Variants in GRM1 observed in about 807,000 individuals in gnomAD.
The protein encoded by GRM1 is glutamate metabotropic receptor 1, also known as metabotropic glutamate receptor 1.
Under a neutral mutation model 90.9 loss-of-function variants are expected in GRM1, and 33 were observed. The observed-to-expected ratio is 0.36, with a 90% confidence interval of 0.28 to 0.49. The LOEUF is 0.49. Ranked by LOEUF, GRM1 falls within the 20% of genes least tolerant of loss-of-function variation. The pLI is 0.99. For synonymous variants in GRM1, 700 were observed against 613.2 expected, an observed-to-expected ratio of 1.14 and a Z score of -2.09; for missense variants, 1,190 against 1,534.3, an observed-to-expected ratio of 0.78 and a Z score of 3.75.
chr6:146,131,611 A>T (rs940449362), intron 1 of GRM1, among the ~76,000 whole-genome samples: 2 of 152,188 alleles, frequency 1.3e-5, no homozygotes, highest in African/African-American at 4.8e-5. Context: ...GAGTTTGTCC[A>T]GCAGACTAAT....
chr6:146,270,909 C>CTTTCTT (rs2114823422), intron 2 of GRM1, among the ~76,000 whole-genome samples: 1 of 102,992 alleles, frequency 9.7e-6, no homozygotes, highest in South Asian at 3.1e-4. Context: ...TTCTTTCTTT[C>CTTTCTT]TTTCTTCCTT....
chr6:146,278,394 T>C (rs1782448214), intron 2 of GRM1, among the ~76,000 whole-genome samples: 2 of 152,190 alleles, frequency 1.3e-5, no homozygotes, highest in African/African-American at 4.8e-5. Flanking sequence ...ATGCTTGTTC[T>C]ATTGTGTTAC....
chr6:146,275,690 A>G (rs568215306), intron 2 of GRM1, among the ~76,000 whole-genome samples: 126 of 152,332 alleles, frequency 8.3e-4, no homozygotes, highest in Non-Finnish European at 1.4e-3. Flanking sequence ...TTTCATAAAC[A>G]AAATTCATTT....
rs563181699 is a variant in GRM1, at chr6:146,199,725, G to C, written c.950+40128G>C. The stretch of plus-strand genomic sequence containing the variant: ...TGCTGCAATTTTAAGCATAAGAGAA[G>C]TGCTAACTCTCACCGGGTATGGTGG... On this transcript the variant is annotated intron_variant, in intron 2 of 7. Coordinates refer to ENST00000282753, the MANE Select transcript of GRM1 (RefSeq NM_001278064.2). Among the ~76,000 whole-genome samples, 3 of 150,484 alleles carry C rather than the reference G, an allele frequency of 2.0e-5. No homozygotes were observed. The East Asian group carries it at 5.8e-4, about 29-fold the overall frequency.
intron 1 of GRM1, among the ~76,000 whole-genome samples, chr6:146,077,371 GTT>G (rs963163470): frequency 3.9e-5 from 6 of 152,202 alleles, no homozygotes; most frequent in African/African-American, 1.2e-4. Flanking sequence ...CACCTTGGTG[GTT>G]TCAGTCAGTG....
At chr6:146,400,508 C>T (rs906248536) in intron 7 of GRM1, among the ~76,000 whole-genome samples, 3 of 152,070 alleles carry the variant, frequency 2.0e-5, no homozygotes, top group Non-Finnish European at 4.4e-5. Flanking sequence ...ATTCAAAGTC[C>T]AGATGAATTA....
intron 3 of GRM1, among the ~76,000 whole-genome samples, chr6:146,339,716 C>T (rs151219910): frequency 5.3e-5 from 8 of 152,326 alleles, no homozygotes; most frequent in African/African-American, 1.7e-4. Flanking sequence ...GCGCTGATAT[C>T]ACAGAGTCTA....
intron 1 of GRM1, among the ~76,000 whole-genome samples, chr6:146,125,778 A>G (rs865976654): frequency 1.3e-5 from 2 of 152,066 alleles, no homozygotes; most frequent in Middle Eastern, 6.8e-3. Context: ...CTTACTCAGA[A>G]TTCTTAGTAG....
At chr6:146,432,358 T>C (rs1028986719) in intron 7 of GRM1, among the ~76,000 whole-genome samples, 1 of 152,224 alleles carries the variant, frequency 6.6e-6, no homozygotes, top group Non-Finnish European at 1.5e-5. Context: ...TCTGTACTTA[T>C]CTGGCTCACT....
intron 2 of GRM1, among the ~76,000 whole-genome samples, chr6:146,292,286 G>T (rs958203523): frequency 6.6e-6 from 1 of 151,898 alleles, no homozygotes; most frequent in Non-Finnish European, 1.5e-5. Context: ...AGAAAAAATA[G>T]ATTAATTGGA....
intron 1 of GRM1, among the ~76,000 whole-genome samples, chr6:146,149,157 A>G (rs763564408): frequency 1.3e-5 from 2 of 152,202 alleles, no homozygotes; most frequent in African/African-American, 2.4e-5. Flanking sequence ...GAGTGTTTGT[A>G]ACTTAAAGAA....
chr6:146,076,015 C>G (rs2128860854), intron 1 of GRM1, among the ~76,000 whole-genome samples: 1 of 152,296 alleles, frequency 6.6e-6, no homozygotes, highest in South Asian at 2.1e-4. Context: ...TGTTGAAGAT[C>G]AAACAATTGT....
chr6:146,402,239 C>T (rs1337231808), intron 7 of GRM1, among the ~76,000 whole-genome samples: 1 of 152,128 alleles, frequency 6.6e-6, no homozygotes, highest in Non-Finnish European at 1.5e-5. Flanking sequence ...CTTATACCTA[C>T]TCCAATATGC....
chr6:146,027,984 T>G (rs1790552407), upstream of GRM1, among the ~76,000 whole-genome samples: 1 of 152,158 alleles, frequency 6.6e-6, no homozygotes, highest in Non-Finnish European at 1.5e-5. Flanking sequence ...TGCCTGGGTT[T>G]TCTTTCTCCT....
chr6:146,047,935 C>T (rs914316852), intron 1 of GRM1, among the ~76,000 whole-genome samples: 1 of 151,962 alleles, frequency 6.6e-6, no homozygotes, highest in Non-Finnish European at 1.5e-5. Flanking sequence ...GCTATGATGC[C>T]ACCCTTGGTG....
intron 2 of GRM1, among the ~76,000 whole-genome samples, chr6:146,277,418 G>C (rs1782414795): frequency 6.6e-6 from 1 of 151,880 alleles, no homozygotes; most frequent in South Asian, 2.1e-4. Context: ...AATAGTTTAG[G>C]CTAACAGTAT....
chr6:146,193,636 G>A (rs1485166813), intron 2 of GRM1, among the ~76,000 whole-genome samples: 1 of 152,136 alleles, frequency 6.6e-6, no homozygotes, highest in Non-Finnish European at 1.5e-5. Flanking sequence ...TATTTTGTGT[G>A]TCTCAGGTTT....
chr6:146,307,845 G>C (rs1026563034), intron 3 of GRM1, among the ~76,000 whole-genome samples: 2 of 152,176 alleles, frequency 1.3e-5, no homozygotes, highest in African/African-American at 2.4e-5. Context: ...TAGATTGCCA[G>C]TTTGAATATT....
At chr6:146,354,405 T>C (rs1785512246) in intron 4 of GRM1, among the ~76,000 whole-genome samples, 3 of 152,232 alleles carry the variant, frequency 2.0e-5, no homozygotes. Context: ...ACATACAATG[T>C]GCCTAGCACA....
Sources: allele counts gnomAD v4.1 joint callset (sites outside exome capture counted in the v4.1 genomes callset), GRCh38; gene constraint gnomAD v4.1.1; transcripts MANE v1.5; gene names NCBI Gene and HGNC (gene_info 2026-07-23, HGNC 2026-07-21).